CCDC191: variants seen among roughly 807,000 people sequenced by gnomAD.
CCDC191 encodes the protein coiled-coil domain-containing protein 191.
In CCDC191, 99 loss-of-function variants were observed where a neutral mutation model predicts 114.0. That is an observed-to-expected ratio of 0.87 (90% CI 0.74 to 1.03). The LOEUF (loss-of-function observed/expected upper bound fraction) is 1.03, where lower values mean the gene tolerates loss of function less well. Ranked by LOEUF, CCDC191 falls within the 50% of genes least tolerant of loss-of-function variation. The probability of loss-of-function intolerance (pLI) is 0.00; values close to 1 mark genes in which losing one functional copy is unlikely to be tolerated. For synonymous variants in CCDC191, 351 were observed against 376.0 expected, an observed-to-expected ratio of 0.93 and a Z score of 0.77; for missense variants, 973 against 1,087.0, an observed-to-expected ratio of 0.90 and a Z score of 1.47.
chr3:114,018,071 G>T (rs2107697199), intron 8 of CCDC191, among the ~76,000 whole-genome samples: 1 of 152,318 alleles, frequency 6.6e-6, no homozygotes, highest in East Asian at 1.9e-4. Context: ...TCTAAATAAG[G>T]TGTGGAACAA....
chr3:113,982,733 C>A (rs1271540170), intron 13 of CCDC191, among the ~76,000 whole-genome samples: 1 of 151,838 alleles, frequency 6.6e-6, no homozygotes, highest in African/African-American at 2.4e-5. Flanking sequence ...GAATATATTC[C>A]TGCTTACCCA....
intron 16 of CCDC191, among the ~76,000 whole-genome samples, chr3:113,976,270 AAAAAC>A (rs1489508493): frequency 6.6e-6 from 1 of 152,098 alleles, no homozygotes. Context: ...GGGTAAAAAA[AAAAAC>A]AAAACAAAAC....
intron 13 of CCDC191, among the ~76,000 whole-genome samples, chr3:113,983,355 ATTAT>A: frequency 6.6e-6 from 1 of 152,128 alleles, no homozygotes; most frequent in African/African-American, 2.4e-5. Context: ...CTTCCAGACC[ATTAT>A]AAACATTGAC....
intron 11 of CCDC191, chr3:114,004,326 T>G (rs969242010): frequency 9.9e-7 from 1 of 1,006,528 alleles, no homozygotes. Context: ...GTTTTCTCAT[T>G]TGTGTAATTA....
Position 113,980,760 on chromosome 3 carries a change from TC to T in CCDC191, c.2196del (p.Asn733ThrfsTer7), listed in dbSNP as rs1171743356. Reference sequence around the variant, plus strand: ...TTGGCTATTGCTTCCAGCTGCTGGTTCCTCTTAATTCTCTTCTGCTTCTCAA... The same window carrying T: ...TTGGCTATTGCTTCCAGCTGCTGGTTCTCTTAATTCTCTTCTGCTTCTCAA... ...KELEKQKRIK[R>X]NQQLEAIAKE... On this transcript the variant is annotated frameshift_variant, in exon 14 of 17. Transcript: ENST00000295878. LOFTEE classifies it high-confidence loss of function. The T allele has an allele frequency of 6.2e-7, 1 of 1,608,466 alleles. No individual in the cohort carries two copies. Among genetic ancestry groups the T allele is most frequent in the African/African-American group, 1.3e-5 (1 of 74,476 alleles).
intron 7 of CCDC191, among the ~76,000 whole-genome samples, chr3:114,027,030 A>G (rs894777323): frequency 1.3e-5 from 2 of 152,240 alleles, no homozygotes; most frequent in African/African-American, 4.8e-5. Flanking sequence ...AGAGTTTTAT[A>G]GTTAATCCTT....
chr3:113,966,387 C>A (rs1438811512), intron 16 of CCDC191, among the ~76,000 whole-genome samples: 1 of 152,182 alleles, frequency 6.6e-6, no homozygotes, highest in Admixed American at 6.5e-5. Context: ...CAGGTACCGT[C>A]TGCCCCGGGA....
chr3:113,969,065 G>A (rs980279885), intron 16 of CCDC191, among the ~76,000 whole-genome samples: 4 of 152,204 alleles, frequency 2.6e-5, no homozygotes, highest in Middle Eastern at 3.4e-3. Flanking sequence ...GGGGGAGGGA[G>A]GTGCCAGGTT....
intron 7 of CCDC191, among the ~76,000 whole-genome samples, chr3:114,021,271 A>C (rs1226860325): frequency 1.3e-5 from 2 of 152,124 alleles, no homozygotes; most frequent in Non-Finnish European, 2.9e-5. Context: ...ATGTTTCTTT[A>C]AAAATACTTA....
In CCDC191 at chr3:114,018,708, G is replaced by A. The variant is rs2076200580; in HGVS notation, c.1133C>T (p.Ala378Val). The A allele has an allele frequency of 6.2e-7, 1 of 1,611,306 alleles. No individual in the cohort carries two copies. The highest frequency in any genetic ancestry group is 1.3e-5 in the African/African-American group (1 of 74,578). ...RFQKLERETQ[A>V]LENDLREENR... ...TTCTTCCCTAAGATCATTTTCCAAG[G>A]CTTGAGTCTCCCGCTCCAACTTCTG... Residue 378 changes from alanine (A) to valine (V), a missense_variant, in exon 8 of 17, where the codon GCC becomes GTC. Coordinates refer to ENST00000295878, the MANE Select transcript of CCDC191 (RefSeq NM_020817.2).
intron 1 of CCDC191, among the ~76,000 whole-genome samples, chr3:114,054,638 AAAAC>A (rs941712851): frequency 1.6e-4 from 24 of 152,022 alleles, no homozygotes; most frequent in African/African-American, 2.7e-4. Flanking sequence ...CTCTGTCTCA[AAAAC>A]AAACAAACAA....
intron 3 of CCDC191, among the ~76,000 whole-genome samples, chr3:114,045,971 A>G (rs73232540): frequency 6.6e-6 from 1 of 152,306 alleles, no homozygotes; most frequent in Non-Finnish European, 1.5e-5. Flanking sequence ...CCTAGCACAG[A>G]GTATATGTGT....
intron 13 of CCDC191, among the ~76,000 whole-genome samples, chr3:113,981,290 C>A (rs2075139987): frequency 6.6e-6 from 1 of 152,142 alleles, no homozygotes; most frequent in Non-Finnish European, 1.5e-5. Flanking sequence ...CATTAAGCTA[C>A]CTTCCCTCTT....
intron 13 of CCDC191, among the ~76,000 whole-genome samples, chr3:113,999,289 ATAATG>A (rs1439020989): frequency 6.6e-6 from 1 of 152,196 alleles, no homozygotes; most frequent in Non-Finnish European, 1.5e-5. Flanking sequence ...ACCAAGAGAC[ATAATG>A]ATTCCACTTA....
intron 10 of CCDC191, 145 bp downstream of exon 10, chr3:114,005,363 C>T (rs183394969): frequency 1.4e-6 from 1 of 728,514 alleles, no homozygotes; most frequent in East Asian, 2.6e-5. Flanking sequence ...ATATACTAGT[C>T]ATAACTAGGC....
intron 13 of CCDC191, among the ~76,000 whole-genome samples, chr3:113,987,183 A>T (rs2075393050): frequency 6.6e-6 from 1 of 151,860 alleles, no homozygotes; most frequent in African/African-American, 2.4e-5. Flanking sequence ...CAAAAAACAT[A>T]CTTTAAAAGT....
chr3:113,987,899 G>A (rs916332558), intron 13 of CCDC191, among the ~76,000 whole-genome samples: 6 of 151,162 alleles, frequency 4.0e-5, no homozygotes, highest in East Asian at 2.0e-4. Flanking sequence ...AAAATTAGCC[G>A]GGCGTGTTGG....
At chr3:114,003,392 TAC>T in intron 11 of CCDC191, 2 of 985,242 alleles carry the variant, frequency 2.0e-6, no homozygotes, top group Non-Finnish European at 2.4e-6. Context: ...GGCTATTTCT[TAC>T]AGTTATTAAG....
Position 113,965,306 on chromosome 3 carries a change from T to G in CCDC191, c.2660A>C (p.Lys887Thr), listed in dbSNP as rs755984112. ...RTWKKFVKFMKEERVKEERRQ... is the reference protein window; with the variant it reads ...RTWKKFVKFMTEERVKEERRQ... ...CCTTTCTTCTTTTACTCTTTCCTCT[T>G]TCATAAATTTTACAAACTTCTTCCA... The change falls in exon 17 of 17, where the codon AAA becomes ACA. Residue 887 changes from lysine (K) to threonine (T), a missense_variant. Physicochemically the swap from Lys to Thr is moderately conservative, Grantham distance 78. Transcript: ENST00000295878. 5.6e-6 allele frequency: 9 copies of G among 1,610,836 alleles called. No homozygotes were observed. Among genetic ancestry groups the G allele is most frequent in the Non-Finnish European group, 7.6e-6 (9 of 1,178,716 alleles).
Sources: allele counts gnomAD v4.1 joint callset (sites outside exome capture counted in the v4.1 genomes callset), GRCh38; gene constraint gnomAD v4.1.1; transcripts MANE v1.5; gene names NCBI Gene and HGNC (gene_info 2026-07-23, HGNC 2026-07-21).